ADNP: variants seen among roughly 807,000 people sequenced by gnomAD.
The protein encoded by ADNP is activity dependent neuroprotector homeobox, also known as activity-dependent neuroprotector homeobox protein.
In ADNP, 4 loss-of-function variants were observed where a neutral mutation model predicts 84.9. The observed-to-expected ratio is 0.05, with a 90% CI of 0.02 to 0.11. The LOEUF (loss-of-function observed/expected upper bound fraction) is 0.11, where lower values mean the gene tolerates loss of function less well. ADNP is among the 10% of genes least tolerant of loss of function. The pLI is 1.00. For synonymous variants in ADNP, 554 were observed against 468.1 expected (o/e 1.18, Z -2.37); for missense variants, 1,132 against 1,326.0 (o/e 0.85, Z 2.27).
rs1448867833 is a variant in ADNP, at chr20:50,889,070, G to A, written c.*2335C>T. 6.6e-6 allele frequency: 1 copy of A among 152,150 alleles called. No homozygotes were observed. The highest frequency in any genetic ancestry group is 1.5e-5 in the Non-Finnish European group (1 of 68,034). The allele number at this position is 152,150 out of a possible 1,614,324, so 9.4% of individuals were successfully genotyped here. On this transcript the variant is annotated 3_prime_UTR_variant, in exon 6 of 6. Coordinates refer to ENST00000621696, the MANE Select transcript of ADNP (RefSeq NM_001282531.3). The stretch of plus-strand genomic sequence containing the variant: ...ATATTCTTTTAAAATGGCTTTTATT[G>A]AGACACTTGTAGGGATTCTGCAACA...
Position 50,892,146 on chromosome 20 carries a change from G to T in ADNP, c.2568C>A (p.Val856=). ...FENHDEKDSR[V]NASKTADKKL... ...TTTTGTCAGCAGTCTTACTAGCATT[G>T]ACTCTGGAATCCTTCTCATCATGAT... The change falls in exon 6 of 6, where the codon GTC becomes GTA. Residue 856 remains valine (V), a synonymous_variant. Transcript: ENST00000621696. 1 of 1,614,000 alleles carries T rather than the reference G, an allele frequency of 6.2e-7. No individual in the cohort carries two copies. The highest frequency in any genetic ancestry group is 8.5e-7 in the Non-Finnish European group (1 of 1,180,024).
At chr20:50,910,233 C>CACTAT (rs1409424737) in intron 2 of ADNP, among the ~76,000 whole-genome samples, 4 of 152,116 alleles carry the variant, frequency 2.6e-5, no homozygotes, top group Non-Finnish European at 5.9e-5. Flanking sequence ...AAACAAAAAA[C>CACTAT]ACTATATGAG....
intron 2 of ADNP, among the ~76,000 whole-genome samples, chr20:50,926,857 A>G (rs1305062533): frequency 6.6e-6 from 1 of 152,172 alleles, no homozygotes; most frequent in African/African-American, 2.4e-5. Flanking sequence ...CTCCTTTACA[A>G]AACAGCTTTA....
At chr20:50,909,661 G>A (rs1982850135) in intron 2 of ADNP, 1 of 152,104 alleles carries the variant, frequency 6.6e-6, no homozygotes. Context: ...CAATCAGTAG[G>A]GTTTAGACAC....
intron 2 of ADNP, among the ~76,000 whole-genome samples, chr20:50,906,629 GA>G (rs1473426534): frequency 2.6e-5 from 4 of 152,168 alleles, no homozygotes; most frequent in Admixed American, 1.3e-4. Context: ...CAGCTTGGGG[GA>G]AAGAAAAACC....
chr20:50,893,748 C>T lies in ADNP; in HGVS notation c.966G>A (p.Met322Ile). 6.2e-7 allele frequency: 1 copy of T among 1,614,140 alleles called. No individual in the cohort carries two copies. Among genetic ancestry groups the T allele is most frequent in the Non-Finnish European group, 8.5e-7 (1 of 1,180,040 alleles). Residue 322 changes from methionine (M) to isoleucine (I), a missense_variant, in exon 6 of 6, where the codon ATG becomes ATA. This residue lies in a region of ADNP where 239 missense variants were observed against 213.2 expected (regional missense o/e 1.12). Transcript: ENST00000621696. This position sits in a 1 kb window ranked among gnomAD's most constrained non-coding sequence, Gnocchi z 4.4. Reference protein sequence around the residue: ...PNLNSTGVNMMSSVHLQQNNY... With the variant: ...PNLNSTGVNMISSVHLQQNNY... ...TGTTCTGCTGCAGATGAACACTGGA[C>T]ATCATGTTGACTCCTGTAGAATTTA...
chr20:50,906,400 A>G (rs1982480724), intron 2 of ADNP, among the ~76,000 whole-genome samples: 2 of 152,232 alleles, frequency 1.3e-5, no homozygotes, highest in African/African-American at 4.8e-5. Context: ...TTCATTTCAT[A>G]AACTCTCTAT....
In ADNP at chr20:50,901,321, TAAAAAAAAAAA is replaced by T. The variant is rs11470054; in HGVS notation, c.201+685_201+695del. Among the ~76,000 whole-genome samples, 31 of 92,756 alleles carry T rather than the reference TAAAAAAAAAAA, an allele frequency of 3.3e-4. No individual in the cohort carries two copies. In the East Asian group the frequency reaches 6.6e-3, roughly 20 times the overall value. 60.9% of individuals were successfully genotyped at this position (92,756 alleles called of 152,430 possible). A position where few individuals can be genotyped will look rare whatever the true frequency, so the allele number is the denominator to read the frequency against. ...GGTTAGTAACTTTGCCTGGGGTATT[TAAAAAAAAAAA>T]AAAAAAAAAAAAAAAGTCAAATATC... On this transcript the variant is annotated intron_variant, in intron 5 of 5. Coordinates refer to ENST00000621696, the MANE Select transcript of ADNP (RefSeq NM_001282531.3).
At chr20:50,903,529 T>C (rs1199922359) in intron 4 of ADNP, among the ~76,000 whole-genome samples, 1 of 152,226 alleles carries the variant, frequency 6.6e-6, no homozygotes, top group Non-Finnish European at 1.5e-5. Context: ...CTTTCTCAGC[T>C]GCAAGGCTGG....
rs186977458 is a variant in ADNP, at chr20:50,902,518, T to C, written c.109-409A>G. On this transcript the variant is annotated intron_variant, in intron 4 of 5. Transcript: ENST00000621696. ...TTCTGGTTCTGTGCAAAAAAAAGAT[T>C]TTTTTCGAGGGGAGGGGGCAGGAGA... Among the ~76,000 whole-genome samples, 9 of 152,236 alleles carry C rather than the reference T, an allele frequency of 5.9e-5. No individual in the cohort carries two copies. The East Asian group carries it at 1.7e-3, about 29-fold the overall frequency.
intron 1 of ADNP, 137 bp downstream of exon 1, chr20:50,930,689 G>C (rs1013079704): frequency 6.6e-6 from 1 of 152,314 alleles, no homozygotes; most frequent in Non-Finnish European, 1.5e-5. Flanking sequence ...AGGAGCGTGT[G>C]TGCGGCTGGA....
At chr20:50,900,668 T>A (rs1254827044) in intron 5 of ADNP, among the ~76,000 whole-genome samples, 1 of 152,172 alleles carries the variant, frequency 6.6e-6, no homozygotes, top group East Asian at 1.9e-4. Context: ...TGCGGTAAAA[T>A]TCAGGGCCCA....
chr20:50,897,624 C>T (rs896762238), intron 5 of ADNP, among the ~76,000 whole-genome samples: 6 of 152,160 alleles, frequency 3.9e-5, no homozygotes, highest in Non-Finnish European at 7.4e-5. Flanking sequence ...TGCAATCCTT[C>T]CAGAATTGTA....
chr20:50,892,273 T>A lies in ADNP; in HGVS notation c.2441A>T (p.Asp814Val). 6.2e-7 allele frequency: 1 copy of A among 1,614,194 alleles called. No individual in the cohort carries two copies. Among genetic ancestry groups the A allele is most frequent in the Non-Finnish European group, 8.5e-7 (1 of 1,180,042 alleles). Residue 814 changes from aspartate (D) to valine (V), a missense_variant, in exon 6 of 6, where the codon GAT (aspartate) becomes GTT (valine). Coordinates refer to ENST00000621696, the MANE Select transcript of ADNP (RefSeq NM_001282531.3). ...CACGCCAGGCTTGTACTTTTCACAA[T>A]CACGGACACACTTCTTCCTTTTGTT... ...FSNKRKKCVR[D>V]CEKYKPGVLL... is the part of the protein sequence containing the mutation.
At chr20:50,926,609 G>A (rs191690183) in intron 2 of ADNP, among the ~76,000 whole-genome samples, 10 of 152,076 alleles carry the variant, frequency 6.6e-5, no homozygotes, top group East Asian at 3.9e-4. Context: ...CAAACTACAC[G>A]TGATACTTGA....
chr20:50,902,964 G>A (rs1236913416), intron 4 of ADNP, among the ~76,000 whole-genome samples: 1 of 152,196 alleles, frequency 6.6e-6, no homozygotes, highest in Non-Finnish European at 1.5e-5. Context: ...AGCAGCTTCT[G>A]TTTCCATGCC....
Position 50,891,525 on chromosome 20 carries a change from C to T in ADNP, c.3189G>A (p.Glu1063=). The T allele has an allele frequency of 6.2e-7, 1 of 1,612,128 alleles. No homozygotes were observed. The change falls in exon 6 of 6, where the codon GAG becomes GAA. Residue 1063 remains glutamate (E), a synonymous_variant. Coordinates refer to ENST00000621696, the MANE Select transcript of ADNP (RefSeq NM_001282531.3). ...CACTGTCAATTGTGCTATTCTGCCA[C>T]TCAATCTGGGGGTTAGATAAGCGCT... ...NDERLSNPQI[E]WQNSTIDSED... is the part of the protein sequence containing the mutation.
At chr20:50,930,649 C>T (rs1286192027) in intron 1 of ADNP, among the ~76,000 whole-genome samples, 177 bp downstream of exon 1, 1 of 151,908 alleles carries the variant, frequency 6.6e-6, no homozygotes, top group East Asian at 1.9e-4. Flanking sequence ...CGTGCCGGGA[C>T]GGGGGACCCG....
In ADNP at chr20:50,893,680, T is replaced by A. The variant is rs150949770; in HGVS notation, c.1034A>T (p.Gln345Leu). The change falls in exon 6 of 6, where the codon CAG becomes CTG. Residue 345 changes from glutamine (Q) to leucine (L), a missense_variant. Around this residue, in one of 10 missense-constraint regions of ADNP, gnomAD observed 239 missense variants for 213.2 expected, o/e 1.12. Coordinates refer to ENST00000621696, the MANE Select transcript of ADNP (RefSeq NM_001282531.3). This position sits in a 1 kb window ranked among gnomAD's most constrained non-coding sequence, Gnocchi z 4.4. Reference protein sequence around the residue: ...KSVGQGYSVGQSMRLGLGGNA... With the variant: ...KSVGQGYSVGLSMRLGLGGNA... ...GCCACCTAGACCCAGTCTCATTGACTGACCAACACTGTAACCCTGGCCTAC... is the reference window on the plus strand; with the variant it reads ...GCCACCTAGACCCAGTCTCATTGACAGACCAACACTGTAACCCTGGCCTAC... 2.5e-6 allele frequency: 4 copies of A among 1,614,058 alleles called. No individual in the cohort carries two copies. Among genetic ancestry groups the A allele is most frequent in the African/African-American group, 1.3e-5 (1 of 74,938 alleles).
Sources: gnomAD v4.1 joint callset for allele counts (sites outside exome capture counted in the v4.1 genomes callset) on GRCh38, gnomAD v4.1.1 for gene constraint, gnomAD v4.1.1 regional missense constraint, Gnocchi (gnomAD v3.1) non-coding constraint, MANE v1.5 for transcripts, NCBI Gene and HGNC (gene_info 2026-07-23, HGNC 2026-07-21) for gene names.